DLGAP1: variants seen among roughly 807,000 people sequenced by gnomAD.
DLGAP1 encodes DLG associated protein 1, also known as disks large-associated protein 1.
DLGAP1 carries 11 observed loss-of-function variants against 90.8 expected under a neutral mutation model. That is an observed-to-expected ratio of 0.12 (90% CI 0.08 to 0.20). The LOEUF (loss-of-function observed/expected upper bound fraction) is 0.20, where lower values mean the gene tolerates loss of function less well. Ranked by LOEUF, DLGAP1 falls within the 10% of genes least tolerant of loss-of-function variation. The pLI, the probability that DLGAP1 is intolerant of heterozygous loss-of-function variation, is 1.00. For synonymous variants in DLGAP1, 558 were observed against 540.7 expected (o/e 1.03, Z -0.44); for missense variants, 1,050 against 1,333.8 (o/e 0.79, Z 3.31).
In DLGAP1 at chr18:3,581,896, T is replaced by C. The variant is rs773812140; in HGVS notation, c.1944A>G (p.Arg648=). 8 of 1,614,144 alleles carry C rather than the reference T, an allele frequency of 5.0e-6. No homozygotes were observed. The Admixed American group carries it at 1.3e-4, about 27-fold the overall frequency. The change falls in exon 8 of 13, where the codon CGA becomes CGG. Residue 648 remains arginine (R), a synonymous_variant. Transcript: ENST00000315677. ...TTACCTGTATCCCGATAGACAGGCA[T>C]CGATTTTTCTTAAAGTGGTCCTTCT... ...DRKKDHFKKN[R]CLSIGIQVDD...
chr18:3,968,947 G>A lies in DLGAP1; in HGVS notation c.-73+36169C>T, dbSNP rs1187348760. Among the ~76,000 whole-genome samples the A allele has an allele frequency of 2.6e-5, 4 of 152,062 alleles. No individual in the cohort carries two copies. In the South Asian group the frequency reaches 6.3e-4, roughly 24 times the overall value. The stretch of plus-strand genomic sequence containing the variant: ...ATTTCTTTTGAAGAAAAATGACACG[G>A]CATTCTTTCTCCAACTTTCTTTTAA... On this transcript the variant is annotated intron_variant, in intron 3 of 12. Coordinates refer to ENST00000315677, the MANE Select transcript of DLGAP1 (RefSeq NM_004746.4).
intron 9 of DLGAP1, among the ~76,000 whole-genome samples, chr18:3,564,632 A>G (rs1460883904): frequency 6.6e-6 from 1 of 152,182 alleles, no homozygotes; most frequent in Non-Finnish European, 1.5e-5. Flanking sequence ...GGTAAAACTC[A>G]CAAAAGTGTG....
At chr18:3,664,230 A>C (rs1240257018) in intron 7 of DLGAP1, among the ~76,000 whole-genome samples, 2 of 150,974 alleles carry the variant, frequency 1.3e-5, no homozygotes, top group South Asian at 2.1e-4. Context: ...ACACACACAC[A>C]CACACACGGA....
intron 1 of DLGAP1, among the ~76,000 whole-genome samples, chr18:4,360,671 A>G (rs972204168): frequency 3.3e-5 from 5 of 152,148 alleles, no homozygotes; most frequent in Non-Finnish European, 7.4e-5. Flanking sequence ...TGATGGAATG[A>G]AAAGAGAATC....
At chr18:4,208,705 A>G (rs2077773013) in intron 1 of DLGAP1, among the ~76,000 whole-genome samples, 1 of 152,098 alleles carries the variant, frequency 6.6e-6, no homozygotes, top group Non-Finnish European at 1.5e-5. Flanking sequence ...TCTCACCAAC[A>G]CCAAGAGGGT....
intron 2 of DLGAP1, among the ~76,000 whole-genome samples, chr18:4,115,869 T>C (rs1299745499): frequency 6.6e-6 from 1 of 152,222 alleles, no homozygotes; most frequent in Non-Finnish European, 1.5e-5. Context: ...AACTCACTAA[T>C]ATAATGATAC....
At chr18:4,353,061 C>T (rs1284471396) in intron 1 of DLGAP1, among the ~76,000 whole-genome samples, 1 of 152,166 alleles carries the variant, frequency 6.6e-6, no homozygotes, top group African/African-American at 2.4e-5. Flanking sequence ...TGGGCAACAA[C>T]CCTGGCTCAG....
At chr18:3,977,996 G>A in intron 3 of DLGAP1, 1 of 370,388 alleles carries the variant, frequency 2.7e-6, no homozygotes. Context: ...AGCCTTGGTA[G>A]CACCAGTAGA....
At chr18:4,187,977 G>C (rs2077328984) in intron 1 of DLGAP1, among the ~76,000 whole-genome samples, 1 of 152,076 alleles carries the variant, frequency 6.6e-6, no homozygotes, top group Non-Finnish European at 1.5e-5. Flanking sequence ...CAGCCTAGGA[G>C]ACAGAGTGAG....
At chr18:4,353,138 C>T (rs2081435617) in intron 1 of DLGAP1, among the ~76,000 whole-genome samples, 2 of 152,210 alleles carry the variant, frequency 1.3e-5, no homozygotes, top group African/African-American at 4.8e-5. Context: ...TACAAGCCCT[C>T]ACACACCAAA....
At position 3,727,529 on chromosome 18, in the gene DLGAP1, G is replaced by T. The variant is rs1414004075; in HGVS notation, c.1591+1606C>A. Among the ~76,000 whole-genome samples the T allele has an allele frequency of 1.3e-5, 2 of 152,038 alleles. No individual in the cohort carries two copies. On this transcript the variant is annotated intron_variant, in intron 7 of 12. Transcript: ENST00000315677. The surrounding 1 kb of genome is among the most constrained non-coding windows in gnomAD (Gnocchi z 4.7). ...ACATATTTAAGGAGCGATTTCAGCT[G>T]GCAGGCAATGAGTTCATCATACAGA...
intron 1 of DLGAP1, among the ~76,000 whole-genome samples, chr18:4,251,105 T>A (rs1262993853): frequency 6.6e-6 from 1 of 152,176 alleles, no homozygotes; most frequent in African/African-American, 2.4e-5. Context: ...ACAGAGTCTT[T>A]AAAGAAAGGG....
chr18:3,907,028 T>A (rs1457789300), intron 3 of DLGAP1, among the ~76,000 whole-genome samples: 2 of 152,222 alleles, frequency 1.3e-5, no homozygotes, highest in African/African-American at 4.8e-5. Flanking sequence ...TTAAAAGTAA[T>A]CTAGAGATGA....
At chr18:4,015,389 C>T (rs2074504747) in intron 2 of DLGAP1, among the ~76,000 whole-genome samples, 1 of 152,100 alleles carries the variant, frequency 6.6e-6, no homozygotes, top group South Asian at 2.1e-4. Flanking sequence ...TCCACACACC[C>T]TAAGTTGGGG....
chr18:3,848,937 A>C lies in DLGAP1; in HGVS notation c.957+30175T>G, dbSNP rs561379437. 1.6e-4 allele frequency among the ~76,000 whole-genome samples: 24 copies of C among 152,302 alleles called. No homozygotes were observed. In the South Asian group the frequency reaches 5.0e-3, roughly 32 times the overall value. On this transcript the variant is annotated intron_variant, in intron 4 of 12. Transcript: ENST00000315677. The stretch of plus-strand genomic sequence containing the variant: ...TCCCCCCAACACTAGCAAGGATATA[A>C]AGATTCAAATGTTAAACGTGACCTC...
At chr18:3,682,611 A>AGGTGTTT (rs1439767227) in intron 7 of DLGAP1, among the ~76,000 whole-genome samples, 5 of 152,180 alleles carry the variant, frequency 3.3e-5, no homozygotes, top group African/African-American at 1.2e-4. Flanking sequence ...CTCTCTAAGA[A>AGGTGTTT]GGTGTTTGGC....
intron 7 of DLGAP1, among the ~76,000 whole-genome samples, chr18:3,610,716 G>T (rs1326742692): frequency 6.6e-6 from 1 of 152,080 alleles, no homozygotes; most frequent in Non-Finnish European, 1.5e-5. Context: ...GCACATGCCT[G>T]TAATCCCAGC....
intron 1 of DLGAP1, among the ~76,000 whole-genome samples, chr18:4,426,735 T>C (rs1233702937): frequency 6.6e-6 from 1 of 152,194 alleles, no homozygotes; most frequent in Admixed American, 6.5e-5. Context: ...AAATACGATC[T>C]CAGCAAATGC....
chr18:4,101,554 T>G (rs2075778227), intron 2 of DLGAP1, among the ~76,000 whole-genome samples: 1 of 152,096 alleles, frequency 6.6e-6, no homozygotes, highest in Non-Finnish European at 1.5e-5. Context: ...ACTGATAGAC[T>G]CGCATAACGC....
Sources: allele counts gnomAD v4.1 joint callset (sites outside exome capture counted in the v4.1 genomes callset), GRCh38; gene constraint gnomAD v4.1.1; non-coding constraint Gnocchi (gnomAD v3.1); transcripts MANE v1.5; gene names NCBI Gene and HGNC (gene_info 2026-07-23, HGNC 2026-07-21).